PRICKLE2: variants seen among roughly 807,000 people sequenced by gnomAD.
PRICKLE2 encodes prickle-like protein 2.
PRICKLE2 carries 21 observed loss-of-function variants against 81.4 expected under a neutral mutation model. The observed-to-expected ratio is 0.26, with a 90% CI of 0.18 to 0.37. PRICKLE2 has a LOEUF of 0.37. Ranked by LOEUF, PRICKLE2 falls within the 10% of genes least tolerant of loss-of-function variation. The probability of loss-of-function intolerance (pLI) is 1.00; values close to 1 mark genes in which losing one functional copy is unlikely to be tolerated. For synonymous variants in PRICKLE2, 456 were observed against 421.5 expected, an observed-to-expected ratio of 1.08 and a Z score of -1.00; for missense variants, 940 against 1,109.0, an observed-to-expected ratio of 0.85 and a Z score of 2.16.
At chr3:64,266,987 C>T (rs995106185) in intron 2 of PRICKLE2, among the ~76,000 whole-genome samples, 1 of 150,958 alleles carries the variant, frequency 6.6e-6, no homozygotes, top group Non-Finnish European at 1.5e-5. Context: ...GATTCTCAAC[C>T]TCTTGCTTAG....
At chr3:64,106,505 A>C (rs1455538007) in intron 7 of PRICKLE2, among the ~76,000 whole-genome samples, 1 of 152,228 alleles carries the variant, frequency 6.6e-6, no homozygotes, top group Non-Finnish European at 1.5e-5. Context: ...AATGAATTTG[A>C]GAAACAGGGC....
chr3:64,110,393 C>G (rs2076823998), intron 7 of PRICKLE2, among the ~76,000 whole-genome samples: 2 of 152,142 alleles, frequency 1.3e-5, no homozygotes, highest in South Asian at 4.1e-4. Context: ...CAAAGCCCTG[C>G]TATTGCCAGG....
intron 5 of PRICKLE2, among the ~76,000 whole-genome samples, chr3:64,156,401 T>C (rs1403773644): frequency 6.6e-6 from 1 of 152,196 alleles, no homozygotes; most frequent in East Asian, 1.9e-4. Context: ...TGCAAAAAAC[T>C]CCTTTGCACA....
In PRICKLE2 at chr3:64,157,203, G is replaced by A; in HGVS notation, c.559C>T (p.His187Tyr). Residue 187 changes from histidine to tyrosine, a missense_variant, in exon 5 of 8, where the codon CAT (histidine) becomes TAT (tyrosine). Physicochemically the swap from His to Tyr is moderately conservative, Grantham distance 83. This residue lies in a region of PRICKLE2 where 270 missense variants were observed against 391.8 expected (regional missense o/e 0.69). Coordinates refer to ENST00000638394, the MANE Select transcript of PRICKLE2 (RefSeq NM_198859.4). The part of the protein sequence containing the change: ...QDGKIYCGRH[H>Y]AECLKPRCAA... ...CAGCGCGGCTTCAGGCACTCAGCATGGTGCCTGCCACAGTATATCTTCCCA... is the reference window on the plus strand; with the variant it reads ...CAGCGCGGCTTCAGGCACTCAGCATAGTGCCTGCCACAGTATATCTTCCCA... 1 of 1,614,164 alleles carries A rather than the reference G, an allele frequency of 6.2e-7. No homozygotes were observed. Among genetic ancestry groups the A allele is most frequent in the Non-Finnish European group, 8.5e-7 (1 of 1,180,014 alleles).
At chr3:64,191,077 A>G (rs539206500) in intron 2 of PRICKLE2, among the ~76,000 whole-genome samples, 4 of 152,268 alleles carry the variant, frequency 2.6e-5, no homozygotes, top group Non-Finnish European at 2.9e-5. Flanking sequence ...TTGTATCTTT[A>G]TAACAATCCC....
intron 1 of PRICKLE2, chr3:64,199,766 T>C (rs1034146361): frequency 1.3e-5 from 2 of 152,202 alleles, no homozygotes; most frequent in Non-Finnish European, 2.9e-5. Flanking sequence ...GCAATAAATA[T>C]GTTGATGTCA....
rs1328187099 is a variant in PRICKLE2, at chr3:64,163,116, T to C, written c.158A>G (p.Tyr53Cys). The change falls in exon 3 of 8, where the codon TAT (tyrosine) becomes TGT (cysteine). Residue 53 changes from tyrosine to cysteine, a missense_variant. Physicochemically the swap from Tyr to Cys is radical, Grantham distance 194 (BLOSUM62 -2). This residue lies in a region of PRICKLE2 where 270 missense variants were observed against 391.8 expected (regional missense o/e 0.69). Coordinates refer to ENST00000638394, the MANE Select transcript of PRICKLE2 (RefSeq NM_198859.4). ...GLKPEQVHQY[Y>C]SCLPEEKVPY... ...GACTTTCTCTTCTGGGAGACAGCTATAGTACTGGTGTACCTGAAGGACAGA... is the reference window on the plus strand; with the variant it reads ...GACTTTCTCTTCTGGGAGACAGCTACAGTACTGGTGTACCTGAAGGACAGA... 6.2e-7 allele frequency: 1 copy of C among 1,605,354 alleles called. No homozygotes were observed. Among genetic ancestry groups the C allele is most frequent in the Admixed American group, 1.7e-5 (1 of 60,016 alleles).
chr3:64,254,814 T>C (rs1384386278), intron 2 of PRICKLE2, among the ~76,000 whole-genome samples: 4 of 152,198 alleles, frequency 2.6e-5, no homozygotes, highest in Non-Finnish European at 4.4e-5. Flanking sequence ...AATAGTACAG[T>C]TGAAAATGAA....
chr3:64,238,602 G>C (rs2079217418), intron 2 of PRICKLE2, among the ~76,000 whole-genome samples: 2 of 152,164 alleles, frequency 1.3e-5, no homozygotes, highest in Admixed American at 1.3e-4. Context: ...GTAAGAGGGA[G>C]AAAAGGTCCC....
chr3:64,246,018 GT>G (rs1269572343), intron 2 of PRICKLE2, among the ~76,000 whole-genome samples: 2 of 152,178 alleles, frequency 1.3e-5, no homozygotes, highest in African/African-American at 2.4e-5. Flanking sequence ...GCCAAGGCAG[GT>G]GGATCACTTG....
chr3:64,165,966 GTGTGTGTGTGTGTGTGTGTGTGTGTGTGT>G (rs2077823327), intron 2 of PRICKLE2, among the ~76,000 whole-genome samples: 6 of 121,316 alleles, frequency 4.9e-5, no homozygotes, highest in African/African-American at 1.0e-4. Flanking sequence ...TTATAAAGGT[GTGTGTGTGTGTGTGTGTGTGTGTGTGTGT>G]GTGTGTGTGT....
At chr3:64,238,827 T>A (rs746304498) in intron 2 of PRICKLE2, among the ~76,000 whole-genome samples, 1 of 152,208 alleles carries the variant, frequency 6.6e-6, no homozygotes, top group Non-Finnish European at 1.5e-5. Flanking sequence ...GCTTACTAAA[T>A]GTTTATCAAG....
chr3:64,204,782 C>T (rs1264336815), intron 1 of PRICKLE2, among the ~76,000 whole-genome samples: 1 of 152,122 alleles, frequency 6.6e-6, no homozygotes, highest in Non-Finnish European at 1.5e-5. Flanking sequence ...AATTTTCAAC[C>T]TTTGAGTGAT....
chr3:64,141,700 G>T, intron 7 of PRICKLE2: 1 of 574,448 alleles, frequency 1.7e-6, no homozygotes, highest in Non-Finnish European at 2.2e-6. Flanking sequence ...CATTGGGAGA[G>T]GCCAAAGCCC....
At chr3:64,120,065 G>A (rs2077001170) in intron 7 of PRICKLE2, among the ~76,000 whole-genome samples, 1 of 152,154 alleles carries the variant, frequency 6.6e-6, no homozygotes, top group African/African-American at 2.4e-5. Flanking sequence ...AGAGGGGAAG[G>A]AGGGAAGGAA....
At chr3:64,177,730 G>C (rs1048881596) in intron 2 of PRICKLE2, among the ~76,000 whole-genome samples, 1 of 152,140 alleles carries the variant, frequency 6.6e-6, no homozygotes, top group African/African-American at 2.4e-5. Flanking sequence ...TTCTGTTGTA[G>C]CATGTGTCAG....
At chr3:64,252,231 G>C (rs1189522566) in intron 2 of PRICKLE2, among the ~76,000 whole-genome samples, 1 of 152,192 alleles carries the variant, frequency 6.6e-6, no homozygotes, top group Admixed American at 6.5e-5. Context: ...CAATCACCAT[G>C]ATTAGACACT....
At chr3:64,131,918 T>G (rs1412763580) in intron 7 of PRICKLE2, among the ~76,000 whole-genome samples, 1 of 152,230 alleles carries the variant, frequency 6.6e-6, no homozygotes, top group South Asian at 2.1e-4. Flanking sequence ...TACCAGGAGG[T>G]GGAATTTGAG....
At chr3:64,257,555 G>A (rs1349843487) in intron 2 of PRICKLE2, among the ~76,000 whole-genome samples, 2 of 152,192 alleles carry the variant, frequency 1.3e-5, no homozygotes, top group Non-Finnish European at 2.9e-5. Context: ...CAGAAAGGTG[G>A]AGTTGTGTCT....
Sources: gnomAD v4.1 joint callset for allele counts (sites outside exome capture counted in the v4.1 genomes callset) on GRCh38, gnomAD v4.1.1 for gene constraint, gnomAD v4.1.1 regional missense constraint, MANE v1.5 for transcripts, NCBI Gene and HGNC (gene_info 2026-07-23, HGNC 2026-07-21) for gene names.